RCC1: variants seen among roughly 807,000 people sequenced by gnomAD.
RCC1 encodes regulator of chromosome condensation.
A neutral mutation model predicts 44.4 loss-of-function variants in RCC1; 11 were observed. That is an observed-to-expected ratio of 0.25 (90% CI 0.16 to 0.41). The LOEUF (loss-of-function observed/expected upper bound fraction) is 0.41, where lower values mean the gene tolerates loss of function less well. Among genes scored for constraint, RCC1 ranks in the 10% least tolerant of loss-of-function variants. The pLI, the probability that RCC1 is intolerant of heterozygous loss-of-function variation, is 1.00. For synonymous variants in RCC1, 213 were observed against 216.5 expected (o/e 0.98, Z 0.14); for missense variants, 386 against 547.1 (o/e 0.71, Z 2.94).
intron 2 of RCC1, 51 bp from the exon 3 acceptor site, chr1:28,508,779 T>A (rs768895380): frequency 1.9e-6 from 1 of 518,768 alleles, no homozygotes; most frequent in East Asian, 5.4e-5. Context: ...TACTAGATTT[T>A]AAGTTGAAGT....
At position 28,531,878 on chromosome 1, in the gene RCC1, T is replaced by G; in HGVS notation, c.149T>G (p.Leu50Arg). The change falls in exon 6 of 13, where the codon CTG (leucine) becomes CGG (arginine). Residue 50 changes from leucine (L) to arginine (R), a missense_variant. Physicochemically the swap from Leu to Arg is moderately radical, Grantham distance 102. Transcript: ENST00000683442. ...CAGGGCGACGTGGGCCAGCTGGGGC[T>G]GGGTGAGAATGTGATGGAGAGGAAG... ...LGQGDVGQLGLGENVMERKKP... is the reference protein window; with the variant it reads ...LGQGDVGQLGRGENVMERKKP... 6.2e-7 allele frequency: 1 copy of G among 1,605,894 alleles called. No homozygotes were observed. Among genetic ancestry groups the G allele is most frequent in the Non-Finnish European group, 8.5e-7 (1 of 1,176,096 alleles).
chr1:28,522,520 G>T (rs1440529652), intron 4 of RCC1, among the ~76,000 whole-genome samples: 1 of 151,940 alleles, frequency 6.6e-6, no homozygotes, highest in Non-Finnish European at 1.5e-5. Context: ...GAAAGATCAT[G>T]AATGAGGCCG....
At position 28,525,522 on chromosome 1, in the gene RCC1, C is replaced by T. The variant is rs537972156; in HGVS notation, c.-9-4336C>T. ...GTTAAGGCAACTGGCCAGCCACAAGCTCTGGAAGGTGAACCCAGTTCCCTC... is the reference window on the plus strand; with the variant it reads ...GTTAAGGCAACTGGCCAGCCACAAGTTCTGGAAGGTGAACCCAGTTCCCTC... On this transcript the variant is annotated intron_variant, in intron 4 of 12. Transcript: ENST00000683442. Among the ~76,000 whole-genome samples, 5 of 152,326 alleles carry T rather than the reference C, an allele frequency of 3.3e-5. No homozygotes were observed. In the South Asian group the frequency reaches 1.0e-3, roughly 32 times the overall value.
intron 3 of RCC1, chr1:28,509,808 T>C (rs1225509177): frequency 2.6e-5 from 4 of 152,148 alleles, no homozygotes; most frequent in Non-Finnish European, 5.9e-5. Context: ...AAAATGGATA[T>C]TAGGTCCTGA....
intron 4 of RCC1, among the ~76,000 whole-genome samples, chr1:28,523,027 C>CTTTTTT (rs775851239): frequency 7.7e-5 from 7 of 91,034 alleles, no homozygotes; most frequent in Admixed American, 1.3e-4. Flanking sequence ...GAAGAAATTT[C>CTTTTTT]TTTTTTTTTT....
In RCC1 at chr1:28,538,245, C is replaced by T. The variant is rs866459335; in HGVS notation, c.*238C>T. The T allele has an allele frequency of 6.8e-6, 3 of 441,912 alleles. No homozygotes were observed. In the Admixed American group the frequency reaches 1.1e-4, roughly 16 times the overall value. The allele number at this position is 441,912 out of a possible 1,614,324, so 27.4% of individuals were successfully genotyped here. On this transcript the variant is annotated 3_prime_UTR_variant, in exon 13 of 13. Transcript: ENST00000683442. ...CAGGGGGTTTTCAAAAGGAACATGG[C>T]TCACTCAGAGCTATATGGTTAGACG...
chr1:28,532,704 G>A, intron 7 of RCC1: 1 of 484,484 alleles, frequency 2.1e-6, no homozygotes, highest in Non-Finnish European at 4.1e-6. Context: ...CCAGAGGCTT[G>A]GATGGGGCAA....
chr1:28,509,198 TC>T lies in RCC1; in HGVS notation c.-153+294del, dbSNP rs1200805230. 5.8e-5 allele frequency: 17 copies of T among 290,864 alleles called. No individual in the cohort carries two copies. In the East Asian group the frequency reaches 1.6e-3, roughly 27 times the overall value. The allele number at this position is 290,864 out of a possible 1,614,324, so 18.0% of individuals were successfully genotyped here. On this transcript the variant is annotated intron_variant, in intron 3 of 12. Transcript: ENST00000683442. ...TTGGCATTTAGCTAGGAATGCACAT[TC>T]TTTCACCTCATTCATACTTTAAGAA...
At chr1:28,535,679 C>T in intron 9 of RCC1, 192 bp from the exon 10 acceptor site, 1 of 769,250 alleles carries the variant, frequency 1.3e-6, no homozygotes, top group Non-Finnish European at 2.3e-6. Context: ...TAAATGATAC[C>T]CGTAATGACT....
At chr1:28,517,713 C>T (rs906968824) in intron 4 of RCC1, among the ~76,000 whole-genome samples, 1 of 152,052 alleles carries the variant, frequency 6.6e-6, no homozygotes, top group African/African-American at 2.4e-5. Flanking sequence ...CCACAGGCAC[C>T]CTCTACTCCC....
chr1:28,510,440 C>A (rs1050960513), intron 3 of RCC1: 2 of 152,090 alleles, frequency 1.3e-5, no homozygotes, highest in African/African-American at 4.8e-5. Context: ...CTGGCCAACG[C>A]GGTGAAACCC....
rs1664712763 is a variant in RCC1, at chr1:28,538,729, G to C, written c.*722G>C. The C allele has an allele frequency of 6.6e-6, 1 of 152,346 alleles. No individual in the cohort carries two copies. The highest frequency in any genetic ancestry group is 1.5e-5 in the Non-Finnish European group (1 of 68,070). 9.4% of individuals were successfully genotyped at this position (152,346 alleles called of 1,614,324 possible). On this transcript the variant is annotated 3_prime_UTR_variant, in exon 13 of 13. Transcript: ENST00000683442. ...GGAATCGCAAAGAGACACCACTCTG[G>C]GCAGAGCAGAGCAGGGTATGGGGTG...
Position 28,536,324 on chromosome 1 carries a change from A to G in RCC1, c.880A>G (p.Lys294Glu), listed in dbSNP as rs781319876. The change falls in exon 11 of 13, where the codon AAG becomes GAG. Residue 294 changes from lysine to glutamate, a missense_variant. Lys to Glu is a moderately conservative substitution (Grantham distance 56). Coordinates refer to ENST00000683442, the MANE Select transcript of RCC1 (RefSeq NM_001381865.2). This position sits in a 1 kb window ranked among gnomAD's most constrained non-coding sequence, Gnocchi z 4.9. ...QNLTSFKNST[K>E]SWVGFSGGQH... ...CCTAACATCCTTCAAGAATTCCACC[A>G]AGTCCTGGGTGGGCTTCTCTGGTGG... 1 of 1,613,978 alleles carries G rather than the reference A, an allele frequency of 6.2e-7. No homozygotes were observed. Among genetic ancestry groups the G allele is most frequent in the Admixed American group, 1.7e-5 (1 of 59,996 alleles).
intron 1 of RCC1, chr1:28,507,914 G>A (rs1662146172): frequency 9.8e-6 from 3 of 307,692 alleles, no homozygotes; most frequent in South Asian, 8.1e-5. Context: ...CTGGATTGAA[G>A]TCTTAATACA....
chr1:28,512,419 ATGTAAACTCAGTACT>A lies in RCC1; in HGVS notation c.-153+3516_-153+3530del, dbSNP rs371265829. Among the ~76,000 whole-genome samples the A allele has an allele frequency of 8.9e-3, 1,348 of 152,298 alleles. 17 individuals carry two copies. Among genetic ancestry groups the A allele is most frequent in the African/African-American group, 0.031 (1,289 of 41,560 alleles). Reference sequence around the variant, plus strand: ...TTGGAGGATCCTCAAGAGACTGCATATGTAAACTCAGTACTTATTCTTGTACTGTGCCTGCCATAT... The same window carrying A: ...TTGGAGGATCCTCAAGAGACTGCATATATTCTTGTACTGTGCCTGCCATAT... On this transcript the variant is annotated intron_variant, in intron 3 of 12. Coordinates refer to ENST00000683442, the MANE Select transcript of RCC1 (RefSeq NM_001381865.2).
intron 1 of RCC1, chr1:28,507,804 A>C: frequency 3.0e-6 from 1 of 336,978 alleles, no homozygotes; most frequent in Non-Finnish European, 5.8e-6. Context: ...ACAGGGTTTC[A>C]CCATGTTGGT....
chr1:28,519,643 C>G (rs1255870382), intron 4 of RCC1, among the ~76,000 whole-genome samples: 1 of 151,546 alleles, frequency 6.6e-6, no homozygotes, highest in East Asian at 1.9e-4. Context: ...TCTCAGCTCA[C>G]TGCAACCTCC....
chr1:28,537,724 T>A, intron 12 of RCC1, 108 bp from the exon 13 acceptor site: 1 of 1,119,394 alleles, frequency 8.9e-7, no homozygotes, highest in Non-Finnish European at 1.3e-6. Flanking sequence ...CTTGCCAAGC[T>A]GCTATTGGCC....
At position 28,536,079 on chromosome 1, in the gene RCC1, T is replaced by C; in HGVS notation, c.817+53T>C. On this transcript the variant is annotated intron_variant, in intron 10 of 12. Transcript: ENST00000683442. This position sits in a 1 kb window ranked among gnomAD's most constrained non-coding sequence, Gnocchi z 4.9. Reference sequence around the variant, plus strand: ...GACCCAGTGGCCTGCGTTCCTGTCCTGGCTCTGCCACTCATTCATTGTGCA... The same window carrying C: ...GACCCAGTGGCCTGCGTTCCTGTCCCGGCTCTGCCACTCATTCATTGTGCA... 1 of 1,562,022 alleles carries C rather than the reference T, an allele frequency of 6.4e-7. No individual in the cohort carries two copies.
Sources: allele counts gnomAD v4.1 joint callset (sites outside exome capture counted in the v4.1 genomes callset), GRCh38; gene constraint gnomAD v4.1.1; non-coding constraint Gnocchi (gnomAD v3.1); transcripts MANE v1.5; gene names NCBI Gene and HGNC (gene_info 2026-07-23, HGNC 2026-07-21).